PRKD1: variants seen among roughly 807,000 people sequenced by gnomAD.
PRKD1 encodes the protein serine/threonine-protein kinase D1.
PRKD1 carries 63 observed loss-of-function variants against 95.9 expected under a neutral mutation model. The observed-to-expected ratio is 0.66, with a 90% CI of 0.54 to 0.81. The LOEUF is 0.81. PRKD1 is among the 30% of genes least tolerant of loss of function. The pLI is 0.00. For missense variants in PRKD1, 1,048 were observed against 1,165.3 expected, an observed-to-expected ratio of 0.90 and a Z score of 1.47; for synonymous variants, 425 against 423.1, an observed-to-expected ratio of 1.00 and a Z score of -0.05.
At chr14:29,679,129 TA>T (rs924210322) in intron 2 of PRKD1, among the ~76,000 whole-genome samples, 6 of 152,166 alleles carry the variant, frequency 3.9e-5, no homozygotes, top group African/African-American at 1.4e-4. Context: ...AAAAAGCTGA[TA>T]AAAATGAACC....
chr14:29,625,946 T>C (rs1241479097), intron 12 of PRKD1, among the ~76,000 whole-genome samples: 1 of 152,048 alleles, frequency 6.6e-6, no homozygotes, highest in Non-Finnish European at 1.5e-5. Flanking sequence ...GGCTGGAATC[T>C]AAAATAGCAG....
At chr14:29,823,834 T>G (rs1891012467) in intron 1 of PRKD1, among the ~76,000 whole-genome samples, 1 of 152,204 alleles carries the variant, frequency 6.6e-6, no homozygotes, top group South Asian at 2.1e-4. Context: ...GAATGATGAA[T>G]AGCCACCTGC....
At chr14:29,911,070 T>G (rs1229404454) in intron 1 of PRKD1, among the ~76,000 whole-genome samples, 2 of 152,180 alleles carry the variant, frequency 1.3e-5, no homozygotes, top group Non-Finnish European at 2.9e-5. Context: ...TACATATGAT[T>G]AAGTAATTAA....
intron 6 of PRKD1, among the ~76,000 whole-genome samples, chr14:29,637,083 T>C (rs980185447): frequency 6.6e-6 from 1 of 152,092 alleles, no homozygotes; most frequent in Non-Finnish European, 1.5e-5. Context: ...AAAGCTGGGA[T>C]AGAAGTAAAA....
intron 1 of PRKD1, among the ~76,000 whole-genome samples, chr14:29,776,188 AT>A (rs1480814397): frequency 6.6e-6 from 1 of 152,184 alleles, no homozygotes; most frequent in African/African-American, 2.4e-5. Context: ...AAACACAAAG[AT>A]GGGGATAAAC....
Position 29,788,042 on chromosome 14 carries a change from G to C in PRKD1, c.265-62368C>G, listed in dbSNP as rs186280089. Among the ~76,000 whole-genome samples, 404 of 152,120 alleles carry C rather than the reference G, an allele frequency of 2.7e-3. 1 individual carries two copies. Among genetic ancestry groups the C allele is most frequent in the Middle Eastern group, 0.017 (5 of 294 alleles). The stretch of plus-strand genomic sequence containing the variant: ...TGTATACTTTCATATGTTTTCATGT[G>C]GTAGATATCATCCTTTTGCTTCCAG... On this transcript the variant is annotated intron_variant, in intron 1 of 17. Transcript: ENST00000331968.
At chr14:29,720,114 G>T (rs557240905) in intron 2 of PRKD1, among the ~76,000 whole-genome samples, 1 of 152,304 alleles carries the variant, frequency 6.6e-6, no homozygotes, top group Admixed American at 6.5e-5. Context: ...CTTAGAGTGT[G>T]AGGAGAAGAA....
intron 2 of PRKD1, among the ~76,000 whole-genome samples, chr14:29,716,458 A>G (rs969920896): frequency 6.6e-6 from 1 of 152,138 alleles, no homozygotes; most frequent in Non-Finnish European, 1.5e-5. Flanking sequence ...AAAACTACAG[A>G]GGAGGAGGGG....
intron 9 of PRKD1, among the ~76,000 whole-genome samples, chr14:29,631,608 T>C (rs1880011728): frequency 6.6e-6 from 1 of 151,718 alleles, no homozygotes; most frequent in Non-Finnish European, 1.5e-5. Flanking sequence ...CAAGCAATTC[T>C]CCTGCCTCAG....
chr14:29,800,923 T>C (rs1015056038), intron 1 of PRKD1, among the ~76,000 whole-genome samples: 3 of 152,198 alleles, frequency 2.0e-5, no homozygotes, highest in Non-Finnish European at 2.9e-5. Context: ...TACTATATGG[T>C]ATATACATTT....
chr14:29,778,804 C>T (rs1256747278), intron 1 of PRKD1, among the ~76,000 whole-genome samples: 2 of 152,158 alleles, frequency 1.3e-5, no homozygotes, highest in African/African-American at 4.8e-5. Flanking sequence ...CAGCATCATC[C>T]TGATACCAAA....
chr14:29,867,723 G>T (rs1282791165), intron 1 of PRKD1, among the ~76,000 whole-genome samples: 3 of 152,212 alleles, frequency 2.0e-5, no homozygotes, highest in African/African-American at 7.2e-5. Flanking sequence ...GAGCCAGGGG[G>T]TATCTGCAGG....
At chr14:29,776,515 C>T (rs772401683) in intron 1 of PRKD1, among the ~76,000 whole-genome samples, 22 of 151,970 alleles carry the variant, frequency 1.4e-4, no homozygotes, top group Non-Finnish European at 2.2e-4. Context: ...CTTCAGTACC[C>T]GATTCAATCA....
intron 1 of PRKD1, among the ~76,000 whole-genome samples, chr14:29,903,616 C>T (rs1431802970): frequency 6.6e-6 from 1 of 152,126 alleles, no homozygotes; most frequent in African/African-American, 2.4e-5. Flanking sequence ...CTGATGTTCT[C>T]CAAAAGCCAT....
Position 29,725,585 on chromosome 14 carries a change from T to A in PRKD1, c.354A>T (p.Lys118Asn), listed in dbSNP as rs1886099753. 6.2e-7 allele frequency: 1 copy of A among 1,613,676 alleles called. No individual in the cohort carries two copies. Among genetic ancestry groups the A allele is most frequent in the Non-Finnish European group, 8.5e-7 (1 of 1,179,782 alleles). Residue 118 changes from lysine to asparagine, a missense_variant, in exon 2 of 18, where the codon AAA becomes AAT. By Grantham distance (94) the Lys-to-Asn change is moderately conservative. This residue lies in a region of PRKD1 where 275 missense variants were observed against 248.6 expected (regional missense o/e 1.11). Coordinates refer to ENST00000331968, the MANE Select transcript of PRKD1 (RefSeq NM_002742.3). Reference sequence around the variant, plus strand: ...CGCCTTCCTGGATATCACTGGCCGCTTTCACCAGCTGAAGGATGTTTTCAG... The same window carrying A: ...CGCCTTCCTGGATATCACTGGCCGCATTCACCAGCTGAAGGATGTTTTCAG... ...PTSENILQLV[K>N]AASDIQEGDL... is the part of the protein sequence containing the mutation.
intron 1 of PRKD1, among the ~76,000 whole-genome samples, chr14:29,751,886 C>A (rs187043846): frequency 2.0e-5 from 3 of 152,194 alleles, no homozygotes; most frequent in African/African-American, 7.2e-5. Context: ...GACACTACTA[C>A]GTAAACAGCA....
chr14:29,782,280 G>A (rs560935558), intron 1 of PRKD1, among the ~76,000 whole-genome samples: 2 of 152,040 alleles, frequency 1.3e-5, no homozygotes, highest in South Asian at 2.1e-4. Flanking sequence ...GTTAAGTTCC[G>A]GTCTGACTCA....
At chr14:29,694,109 T>C (rs913132507) in intron 2 of PRKD1, among the ~76,000 whole-genome samples, 2 of 152,202 alleles carry the variant, frequency 1.3e-5, no homozygotes, top group Non-Finnish European at 1.5e-5. Flanking sequence ...TTCTTCCTAC[T>C]GTTCCTAGGT....
chr14:29,594,951 A>G (rs546875794), intron 16 of PRKD1, among the ~76,000 whole-genome samples: 23 of 151,504 alleles, frequency 1.5e-4, no homozygotes, highest in Non-Finnish European at 2.5e-4. Flanking sequence ...TTTTCTCTAT[A>G]TTCAAGCATG....
Sources: gnomAD v4.1 joint callset for allele counts (sites outside exome capture counted in the v4.1 genomes callset) on GRCh38, gnomAD v4.1.1 for gene constraint, gnomAD v4.1.1 regional missense constraint, MANE v1.5 for transcripts, NCBI Gene and HGNC (gene_info 2026-07-23, HGNC 2026-07-21) for gene names.